EFCAB8: variants seen among roughly 807,000 people sequenced by gnomAD.
The protein encoded by EFCAB8 is EF-hand calcium-binding domain-containing protein 8.
In EFCAB8, 100 loss-of-function variants were observed where a neutral mutation model predicts 116.3. That is an observed-to-expected ratio of 0.86 (90% CI 0.73 to 1.02). The LOEUF (loss-of-function observed/expected upper bound fraction) is 1.02. Among genes scored for constraint, EFCAB8 ranks in the 50% least tolerant of loss-of-function variants. The probability of loss-of-function intolerance (pLI) is 0.00; values close to 1 mark genes in which losing one functional copy is unlikely to be tolerated. For missense variants in EFCAB8, 1,320 were observed against 1,416.9 expected (o/e 0.93, Z 1.10); for synonymous variants, 558 against 567.9 (o/e 0.98, Z 0.25).
intron 6 of EFCAB8, among the ~76,000 whole-genome samples, chr20:32,887,041 T>C (rs1401519974): frequency 6.6e-6 from 1 of 151,928 alleles, no homozygotes; most frequent in East Asian, 1.9e-4. Flanking sequence ...CTTAGGAGGG[T>C]TCTGGTCCAT....
intron 20 of EFCAB8, among the ~76,000 whole-genome samples, chr20:32,930,008 C>T (rs73249246): frequency 0.066 from 10,052 of 152,264 alleles, 460 homozygotes; most frequent in African/African-American, 0.13. Flanking sequence ...TATAGATATA[C>T]ATGAAGGGGA....
intron 20 of EFCAB8, among the ~76,000 whole-genome samples, chr20:32,929,161 T>C (rs1196141626): frequency 6.6e-6 from 1 of 151,976 alleles, no homozygotes; most frequent in Non-Finnish European, 1.5e-5. Flanking sequence ...TTATAATGTC[T>C]TTGTCTGACT....
At chr20:32,898,454 C>T (rs1342962907) in intron 10 of EFCAB8, 39 bp from the exon 11 acceptor site, 2 of 706,622 alleles carry the variant, frequency 2.8e-6, no homozygotes, top group Admixed American at 2.0e-5. Context: ...GAAAGTTGTC[C>T]TTGGGTGGAG....
chr20:32,898,682 G>A, intron 11 of EFCAB8, 59 bp downstream of exon 11: 1 of 703,894 alleles, frequency 1.4e-6, no homozygotes. Flanking sequence ...GGGGTGGTGA[G>A]TGGACCATGG....
chr20:32,961,144 T>C lies in EFCAB8; in HGVS notation c.3402T>C (p.Pro1134=). The C allele has an allele frequency of 2.6e-6, 4 of 1,552,204 alleles. No homozygotes were observed. In the Middle Eastern group the frequency reaches 6.7e-4, roughly 259 times the overall value. Residue 1134 remains proline (P), a synonymous_variant, in exon 27 of 27, where the codon CCT becomes CCC. Coordinates refer to ENST00000400522, the MANE Select transcript of EFCAB8 (RefSeq NM_001143967.2). The stretch of plus-strand genomic sequence containing the variant: ...CACTCTGTTCCCTGCAGATCTCGCC[T>C]CAGGTCTACCAAAGCCTGCACTTCA... The part of the protein sequence containing the change: ...PYGWMKHQIS[P]QVYQSLHFSD...
At chr20:32,877,862 A>G (rs1416788829) in intron 4 of EFCAB8, among the ~76,000 whole-genome samples, 12 of 152,168 alleles carry the variant, frequency 7.9e-5, no homozygotes, top group Non-Finnish European at 1.6e-4. Context: ...AAGAGCTCCC[A>G]GGGTGATGCC....
intron 5 of EFCAB8, among the ~76,000 whole-genome samples, chr20:32,879,411 C>T (rs980171299): frequency 1.3e-5 from 2 of 152,234 alleles, no homozygotes; most frequent in Admixed American, 1.3e-4. Context: ...CCTCCACCCG[C>T]TGTGCCCACT....
At chr20:32,958,350 G>A (rs1989037143) in intron 23 of EFCAB8, 71 bp from the exon 24 acceptor site, 1 of 414,510 alleles carries the variant, frequency 2.4e-6, no homozygotes, top group Non-Finnish European at 4.4e-6. Context: ...TGAAGGGAGA[G>A]GATAAGGGGC....
chr20:32,899,457 G>A (rs1386919957), intron 11 of EFCAB8, among the ~76,000 whole-genome samples: 1 of 151,350 alleles, frequency 6.6e-6, no homozygotes, highest in African/African-American at 2.4e-5. Context: ...TGTATTAAAT[G>A]CATTGTCCAT....
In EFCAB8 at chr20:32,943,664, T is replaced by G. The variant is rs1600458371; in HGVS notation, c.2819T>G (p.Val940Gly). 1 of 417,176 alleles carries G rather than the reference T, an allele frequency of 2.4e-6. No homozygotes were observed. Among genetic ancestry groups the G allele is most frequent in the Non-Finnish European group, 4.4e-6 (1 of 226,672 alleles). The allele number at this position is 417,176 out of a possible 1,614,324, so 25.8% of individuals were successfully genotyped here. A position where few individuals can be genotyped will look rare whatever the true frequency, so the allele number is the denominator to read the frequency against. The change falls in exon 23 of 27, where the codon GTT becomes GGT. Residue 940 changes from valine to glycine, a missense_variant. Physicochemically the swap from Val to Gly is moderately radical, Grantham distance 109. Transcript: ENST00000400522. The part of the protein sequence containing the change: ...EVVAGHTISL[V>G]PPTLLMTWKG... The stretch of plus-strand genomic sequence containing the variant: ...GTGGCTGGCCATACCATTTCCCTGG[T>G]TCCCCCCACGCTCCTGATGACCTGG...
At chr20:32,925,740 G>A (rs1987644618) in intron 20 of EFCAB8, among the ~76,000 whole-genome samples, 1 of 152,244 alleles carries the variant, frequency 6.6e-6, no homozygotes, top group African/African-American at 2.4e-5. Flanking sequence ...ATTGCTCCAA[G>A]TTACATGAAG....
At chr20:32,957,812 C>T (rs1989019259) in intron 23 of EFCAB8, among the ~76,000 whole-genome samples, 2 of 151,968 alleles carry the variant, frequency 1.3e-5, no homozygotes, top group South Asian at 4.2e-4. Flanking sequence ...ACTCCCAGCT[C>T]TTCTTGGAAA....
chr20:32,930,190 G>A (rs188732845), intron 20 of EFCAB8, among the ~76,000 whole-genome samples: 13 of 152,296 alleles, frequency 8.5e-5, no homozygotes, highest in Admixed American at 7.8e-4. Context: ...CAAAAAAGAC[G>A]CAAAATCCCT....
intron 20 of EFCAB8, among the ~76,000 whole-genome samples, chr20:32,926,999 G>T (rs1172649906): frequency 6.6e-6 from 1 of 151,954 alleles, no homozygotes; most frequent in Non-Finnish European, 1.5e-5. Context: ...ATAGCAGCAT[G>T]ATTTATAGTC....
Position 32,917,443 on chromosome 20 carries a change from A to G in EFCAB8, c.1999A>G (p.Thr667Ala). 1 of 1,552,114 alleles carries G rather than the reference A, an allele frequency of 6.4e-7. No individual in the cohort carries two copies. Among genetic ancestry groups the G allele is most frequent in the African/African-American group, 1.4e-5 (1 of 73,156 alleles). ...GGACATCCTCTTCTGGAACACCGGC[A>G]CACTCAAGCCCATCTTCAACTTCAA... ...SGDILFWNTG[T>A]LKPIFNFNAS... The change falls in exon 18 of 27, where the codon ACA becomes GCA. Residue 667 changes from threonine (T) to alanine (A), a missense_variant. Coordinates refer to ENST00000400522, the MANE Select transcript of EFCAB8 (RefSeq NM_001143967.2).
rs1016185529 is a variant in EFCAB8, at chr20:32,911,714, C to G, written c.1785+7C>G. ...CAGTCCGGAACAGCTGGAGGTCAGT[C>G]TTGCTTGTCAATTACAGCCAGGGAC... On this transcript the variant is annotated splice_region_variant and intron_variant, in intron 16 of 26. Coordinates refer to ENST00000400522, the MANE Select transcript of EFCAB8 (RefSeq NM_001143967.2). 6.4e-6 allele frequency: 10 copies of G among 1,551,398 alleles called. No homozygotes were observed. The African/African-American group carries it at 1.2e-4, about 19-fold the overall frequency.
intron 22 of EFCAB8, among the ~76,000 whole-genome samples, chr20:32,932,615 G>T (rs1187914129): frequency 6.6e-6 from 1 of 152,062 alleles, no homozygotes; most frequent in African/African-American, 2.4e-5. Context: ...TCTACTGAAG[G>T]TATCATTTCA....
chr20:32,888,582 C>T (rs1985752165), intron 6 of EFCAB8, among the ~76,000 whole-genome samples: 1 of 152,086 alleles, frequency 6.6e-6, no homozygotes, highest in Admixed American at 6.6e-5. Context: ...TCTCGAACTC[C>T]TGGGCTCAAG....
chr20:32,905,481 G>T (rs1243439312), intron 11 of EFCAB8, among the ~76,000 whole-genome samples: 3 of 151,998 alleles, frequency 2.0e-5, no homozygotes, highest in African/African-American at 7.2e-5. Flanking sequence ...AGGACATTGG[G>T]GCTGGGTTTG....
Sources: allele counts gnomAD v4.1 joint callset (sites outside exome capture counted in the v4.1 genomes callset), GRCh38; gene constraint gnomAD v4.1.1; transcripts MANE v1.5; gene names NCBI Gene and HGNC (gene_info 2026-07-23, HGNC 2026-07-21).